CACNA1A: variants seen among roughly 807,000 people sequenced by gnomAD.
CACNA1A encodes voltage-dependent P/Q-type calcium channel subunit alpha-1A.
CACNA1A carries 57 observed loss-of-function variants against 262.4 expected under a neutral mutation model. The observed-to-expected ratio is 0.22, with a 90% confidence interval of 0.18 to 0.27. CACNA1A has a LOEUF of 0.27. CACNA1A is among the 10% of genes least tolerant of loss of function. The pLI is 1.00. For synonymous variants in CACNA1A, 1,431 were observed against 1,419.3 expected (o/e 1.01, Z -0.18); for missense variants, 2,526 against 3,562.8 (o/e 0.71, Z 7.41).
Position 13,207,077 on chromosome 19 carries a change from G to C in CACNA1A, c.*236C>G, listed in dbSNP as rs1008321897. ...CCACCCGAGAGCCCCTGTCGTGGGT[G>C]GGGGGATCGGGGCTGGTTGGGGGGC... On this transcript the variant is annotated 3_prime_UTR_variant, in exon 47 of 47. Coordinates refer to ENST00000360228, the MANE Select transcript of CACNA1A (RefSeq NM_001127222.2). The surrounding 1 kb of genome is among the most constrained non-coding windows in gnomAD (Gnocchi z 5.7). 6 of 369,496 alleles carry C rather than the reference G, an allele frequency of 1.6e-5. No individual in the cohort carries two copies. The highest frequency in any genetic ancestry group is 1.5e-4 in the Admixed American group (3 of 20,550). The allele number at this position is 369,496 out of a possible 1,614,324, so 22.9% of individuals were successfully genotyped here. A position where few individuals can be genotyped will look rare whatever the true frequency, so the allele number is the denominator to read the frequency against.
intron 3 of CACNA1A, among the ~76,000 whole-genome samples, chr19:13,397,330 G>GTAAGGC (rs2059826733): frequency 6.6e-6 from 1 of 152,148 alleles, no homozygotes; most frequent in Admixed American, 6.6e-5. Flanking sequence ...TCACCCCATT[G>GTAAGGC]TAAGGCAAAG....
chr19:13,379,152 A>C (rs1185352036), intron 3 of CACNA1A, among the ~76,000 whole-genome samples: 1 of 151,686 alleles, frequency 6.6e-6, no homozygotes, highest in Non-Finnish European at 1.5e-5. Flanking sequence ...AGCTATTTTT[A>C]AAAAGAATTT....
intron 4 of CACNA1A, among the ~76,000 whole-genome samples, chr19:13,367,885 C>T (rs1483020673): frequency 6.6e-6 from 1 of 152,190 alleles, no homozygotes; most frequent in East Asian, 1.9e-4. Context: ...AGTAGCCTCT[C>T]ATCTAACAAA....
chr19:13,310,903 T>C (rs750711571), intron 12 of CACNA1A, among the ~76,000 whole-genome samples: 2 of 151,806 alleles, frequency 1.3e-5, no homozygotes, highest in African/African-American at 4.8e-5. Context: ...TGATTCTCCT[T>C]CCTCAGCCTC....
Position 13,266,454 on chromosome 19 carries a change from A to T in CACNA1A, c.3990-3621T>A, listed in dbSNP as rs182774801. ...AACTGTACATCCAGGTTGCACATGG[A>T]ACTGGCTAAAATCTTGATGTCCCAA... is the stretch of plus-strand genomic sequence containing the variant. On this transcript the variant is annotated intron_variant, in intron 24 of 46. Coordinates refer to ENST00000360228, the MANE Select transcript of CACNA1A (RefSeq NM_001127222.2). 7.9e-5 allele frequency among the ~76,000 whole-genome samples: 12 copies of T among 152,336 alleles called. No individual in the cohort carries two copies. The East Asian group carries it at 2.3e-3, about 29-fold the overall frequency.
At position 13,238,654 on chromosome 19, in the gene CACNA1A, C is replaced by T. The variant is rs564349865; in HGVS notation, c.4951-2924G>A. ...AGGCTGGAGTGCAATGGCACGACCT[C>T]GGCTCACTGCAACCTCCACCTCCCA... is the stretch of plus-strand genomic sequence containing the variant. On this transcript the variant is annotated intron_variant, in intron 31 of 46. Coordinates refer to ENST00000360228, the MANE Select transcript of CACNA1A (RefSeq NM_001127222.2). Among the ~76,000 whole-genome samples, 14 of 151,680 alleles carry T rather than the reference C, an allele frequency of 9.2e-5. No individual in the cohort carries two copies. The East Asian group carries it at 1.7e-3, about 19-fold the overall frequency.
At chr19:13,368,269 T>C (rs1366983341) in intron 4 of CACNA1A, among the ~76,000 whole-genome samples, 2 of 151,972 alleles carry the variant, frequency 1.3e-5, no homozygotes, top group African/African-American at 4.8e-5. Context: ...TGAGCTGTGA[T>C]TGCACCACTG....
intron 27 of CACNA1A, 156 bp downstream of exon 27, chr19:13,259,408 G>C: frequency 3.2e-6 from 1 of 310,056 alleles, no homozygotes; most frequent in Non-Finnish European, 5.6e-6. Flanking sequence ...CTGGCCTCAA[G>C]TGATACATCT....
At chr19:13,481,534 G>A (rs1291880712) in intron 1 of CACNA1A, among the ~76,000 whole-genome samples, 1 of 152,136 alleles carries the variant, frequency 6.6e-6, no homozygotes, top group African/African-American at 2.4e-5. Flanking sequence ...CAAAGAAGTG[G>A]GTGGGGCGGG....
At chr19:13,213,043 A>C (rs1026453215) in intron 40 of CACNA1A, among the ~76,000 whole-genome samples, 1 of 152,002 alleles carries the variant, frequency 6.6e-6, no homozygotes, top group African/African-American at 2.4e-5. Flanking sequence ...GCCCATGAGC[A>C]CTTGAGTCAG....
In CACNA1A at chr19:13,506,245, C is replaced by T. The variant is rs1568720508; in HGVS notation, c.-21G>A. Reference sequence around the variant, plus strand: ...GCCATTCTGCAAAGAGCAAAGGGCTCCGGGTTACGCTGCGGCGAACGATGC... The same window carrying T: ...GCCATTCTGCAAAGAGCAAAGGGCTTCGGGTTACGCTGCGGCGAACGATGC... On this transcript the variant is annotated 5_prime_UTR_variant, in exon 1 of 47. Transcript: ENST00000360228. 1.4e-6 allele frequency: 2 copies of T among 1,426,338 alleles called. No individual in the cohort carries two copies. The highest frequency in any genetic ancestry group is 3.1e-5 in the Admixed American group (1 of 32,296). 88.4% of individuals were successfully genotyped at this position (1,426,338 alleles called of 1,614,324 possible).
At chr19:13,223,105 G>T (rs1231657309) in intron 38 of CACNA1A, among the ~76,000 whole-genome samples, 1 of 152,014 alleles carries the variant, frequency 6.6e-6, no homozygotes, top group East Asian at 1.9e-4. Context: ...ACTCACTGCA[G>T]CCTCAAACTC....
intron 43 of CACNA1A, chr19:13,211,036 T>C: frequency 4.1e-6 from 1 of 241,512 alleles, no homozygotes. Flanking sequence ...AAAGCTTCCA[T>C]GTGGTGGCCG....
chr19:13,207,628 C>A lies in CACNA1A; in HGVS notation c.7206G>T (p.Pro2402=). ...GGTAGTAGCCATGGTGCCGGGGACC[C>A]GGGGGCCCCTCGGACACGTGCGGGC... is the stretch of plus-strand genomic sequence containing the variant. ...ASGPHVSEGP[P]GPRHHGYYRG... Residue 2402 remains proline, a synonymous_variant, in exon 47 of 47, where the codon CCG becomes CCT. Transcript: ENST00000360228. The surrounding 1 kb of genome is among the most constrained non-coding windows in gnomAD (Gnocchi z 5.7). 1.4e-6 allele frequency: 2 copies of A among 1,477,796 alleles called. No individual in the cohort carries two copies. Among genetic ancestry groups the A allele is most frequent in the South Asian group, 1.3e-5 (1 of 78,792 alleles). 91.5% of individuals were successfully genotyped at this position (1,477,796 alleles called of 1,614,324 possible).
intron 1 of CACNA1A, among the ~76,000 whole-genome samples, chr19:13,483,517 A>G (rs1313116002): frequency 1.3e-5 from 2 of 152,308 alleles, no homozygotes; most frequent in Non-Finnish European, 2.9e-5. Context: ...TTCTGGCATG[A>G]GCACACGACC....
intron 3 of CACNA1A, among the ~76,000 whole-genome samples, chr19:13,396,426 C>T (rs1348355782): frequency 6.6e-6 from 1 of 152,198 alleles, no homozygotes; most frequent in Non-Finnish European, 1.5e-5. Flanking sequence ...CATTCCATAA[C>T]ATGCATGGGC....
chr19:13,418,957 G>A (rs975699347), intron 3 of CACNA1A, among the ~76,000 whole-genome samples: 3 of 152,178 alleles, frequency 2.0e-5, no homozygotes, highest in Non-Finnish European at 4.4e-5. Context: ...GCAGTGGCAT[G>A]ATCTCAGCTC....
At chr19:13,242,200 A>G (rs941655786) in intron 31 of CACNA1A, among the ~76,000 whole-genome samples, 6 of 152,184 alleles carry the variant, frequency 3.9e-5, no homozygotes, top group Admixed American at 3.3e-4. Context: ...CACAATAACA[A>G]TAACAACAGC....
intron 6 of CACNA1A, among the ~76,000 whole-genome samples, chr19:13,356,746 T>TC (rs1210487380): frequency 6.6e-6 from 1 of 152,116 alleles, no homozygotes; most frequent in Non-Finnish European, 1.5e-5. Flanking sequence ...TCTCTTTCCC[T>TC]CTCAGGAGGG....
Sources: gnomAD v4.1 joint callset for allele counts (sites outside exome capture counted in the v4.1 genomes callset) on GRCh38, gnomAD v4.1.1 for gene constraint, Gnocchi (gnomAD v3.1) non-coding constraint, MANE v1.5 for transcripts, NCBI Gene and HGNC (gene_info 2026-07-23, HGNC 2026-07-21) for gene names.